PIK3C2A: variants seen among roughly 807,000 people sequenced by gnomAD.
The protein encoded by PIK3C2A is phosphatidylinositol-4-phosphate 3-kinase catalytic subunit type 2 alpha, also known as phosphatidylinositol 4-phosphate 3-kinase C2 domain-containing subunit alpha.
A neutral mutation model predicts 204.5 loss-of-function variants in PIK3C2A; 97 were observed. The ratio of observed to expected loss-of-function variants is 0.47; its 90% CI spans 0.40 to 0.56. The LOEUF (loss-of-function observed/expected upper bound fraction) is 0.56. Ranked by LOEUF, PIK3C2A falls within the 20% of genes least tolerant of loss-of-function variation. The probability of loss-of-function intolerance (pLI) is 0.00; values close to 1 mark genes in which losing one functional copy is unlikely to be tolerated. For synonymous variants in PIK3C2A, 653 were observed against 664.4 expected, an observed-to-expected ratio of 0.98 and a Z score of 0.26; for missense variants, 1,735 against 1,969.2, an observed-to-expected ratio of 0.88 and a Z score of 2.25.
intron 8 of PIK3C2A, among the ~76,000 whole-genome samples, chr11:17,145,390 T>G (rs546604378): frequency 3.9e-5 from 6 of 152,212 alleles, no homozygotes; most frequent in Admixed American, 3.9e-4. Flanking sequence ...TGAGTTTTCA[T>G]GAGATCTGAC....
chr11:17,200,518 T>C lies in PIK3C2A; in HGVS notation c.-66+7330A>G, dbSNP rs143468311. ...TCAAAAGGCTATATACACTGTGTGATGCCAATTTATATGGCATTTTGGGAA... is the reference window on the plus strand; with the variant it reads ...TCAAAAGGCTATATACACTGTGTGACGCCAATTTATATGGCATTTTGGGAA... On this transcript the variant is annotated intron_variant, in intron 1 of 32. Coordinates refer to ENST00000691414, the MANE Select transcript of PIK3C2A (RefSeq NM_002645.4). Among the ~76,000 whole-genome samples the C allele has an allele frequency of 5.8e-3, 885 of 152,286 alleles. 6 individuals are homozygous for C. Among genetic ancestry groups the C allele is most frequent in the African/African-American group, 0.02 (828 of 41,562 alleles).
Position 17,087,193 on chromosome 11 carries a change from C to T in PIK3C2A, c.*2545G>A, listed in dbSNP as rs912883534. 1 of 152,118 alleles carries T rather than the reference C, an allele frequency of 6.6e-6. No individual in the cohort carries two copies. Among genetic ancestry groups the T allele is most frequent in the African/African-American group, 2.4e-5 (1 of 41,438 alleles). The allele number at this position is 152,118 out of a possible 1,614,324, so 9.4% of individuals were successfully genotyped here. On this transcript the variant is annotated 3_prime_UTR_variant, in exon 33 of 33. Transcript: ENST00000691414. The stretch of plus-strand genomic sequence containing the variant: ...GTGAGTATAAAATATTGTGATTATA[C>T]ATAAAAATTAGTGTCTTGGCCAGTT...
At chr11:17,093,471 A>G (rs4757496) in intron 28 of PIK3C2A, among the ~76,000 whole-genome samples, 36,130 of 151,882 alleles carry the variant, frequency 0.24, 5,620 homozygotes, top group Non-Finnish European at 0.35. Context: ...TCACCGTGTT[A>G]GCCAGGATGG....
In PIK3C2A at chr11:17,097,118, C is replaced by A. The variant is rs767587856; in HGVS notation, c.4265G>T (p.Gly1422Val). 1.2e-6 allele frequency: 2 copies of A among 1,609,688 alleles called. No homozygotes were observed. The highest frequency in any genetic ancestry group is 1.7e-5 in the Admixed American group (1 of 60,020). The part of the protein sequence containing the change: ...SPKTYSFRQD[G>V]RIKEVSVFTY... ...AAAAACAGAGACTTCCTTGATTCGA[C>A]CATCTTGTCTAAAGGAGTATGTTTT... The change falls in exon 27 of 33, where the codon GGT (glycine) becomes GTT (valine). Residue 1422 changes from glycine (G) to valine (V), a missense_variant. Coordinates refer to ENST00000691414, the MANE Select transcript of PIK3C2A (RefSeq NM_002645.4).
At chr11:17,122,077 A>G (rs1849384294) in intron 15 of PIK3C2A, 111 bp downstream of exon 15, 1 of 644,238 alleles carries the variant, frequency 1.6e-6, no homozygotes, top group Non-Finnish European at 2.6e-6. Flanking sequence ...AACTTTCCAC[A>G]CCAAGAAAGC....
intron 1 of PIK3C2A, among the ~76,000 whole-genome samples, chr11:17,190,614 C>A (rs1458468119): frequency 6.6e-6 from 1 of 150,822 alleles, no homozygotes; most frequent in African/African-American, 2.4e-5. Flanking sequence ...ATTAAATGAT[C>A]TAGTAGAAAA....
chr11:17,167,923 G>C (rs1049418562), intron 2 of PIK3C2A, among the ~76,000 whole-genome samples: 1 of 151,940 alleles, frequency 6.6e-6, no homozygotes, highest in African/African-American at 2.4e-5. Flanking sequence ...TCTCTCTGGG[G>C]TTATTTATTC....
intron 1 of PIK3C2A, among the ~76,000 whole-genome samples, chr11:17,171,280 C>T (rs915166499): frequency 3.9e-5 from 6 of 152,064 alleles, no homozygotes; most frequent in African/African-American, 7.2e-5. Flanking sequence ...ATAAATGGTA[C>T]GTATTATTAA....
intron 12 of PIK3C2A, among the ~76,000 whole-genome samples, chr11:17,130,567 G>A (rs772941575): frequency 3.9e-5 from 6 of 152,116 alleles, no homozygotes; most frequent in Non-Finnish European, 8.8e-5. Flanking sequence ...CACTTTGGGA[G>A]GCCAAGGTGG....
intron 2 of PIK3C2A, among the ~76,000 whole-genome samples, chr11:17,166,395 C>T (rs1232217415): frequency 6.6e-6 from 1 of 152,188 alleles, no homozygotes; most frequent in Non-Finnish European, 1.5e-5. Flanking sequence ...AAATAACCCA[C>T]CTACCCAGAA....
intron 2 of PIK3C2A, among the ~76,000 whole-genome samples, 169 bp downstream of exon 2, chr11:17,168,492 AAGGGTGTGAACCTGGG>A (rs1489195311): frequency 3.3e-5 from 5 of 152,130 alleles, no homozygotes; most frequent in Admixed American, 6.5e-5. Flanking sequence ...GAGGCAGGAG[AAGGGTGTGAACCTGGG>A]AGGCGGAGCT....
At chr11:17,202,235 G>A (rs1258675913) in intron 1 of PIK3C2A, among the ~76,000 whole-genome samples, 14 of 144,122 alleles carry the variant, frequency 9.7e-5, no homozygotes, top group Admixed American at 1.4e-4. Flanking sequence ...CAGCCTGGGC[G>A]ACAAGAGTGA....
chr11:17,189,647 T>C, intron 1 of PIK3C2A, among the ~76,000 whole-genome samples: 1 of 127,812 alleles, frequency 7.8e-6, no homozygotes, highest in East Asian at 1.9e-4. Flanking sequence ...CAGAATACTT[T>C]CATCGCCCCA....
chr11:17,192,249 A>C (rs1851972230), intron 1 of PIK3C2A, among the ~76,000 whole-genome samples: 1 of 152,188 alleles, frequency 6.6e-6, no homozygotes, highest in Non-Finnish European at 1.5e-5. Context: ...AATATTGCTG[A>C]TACAGTAAAG....
chr11:17,087,429 TAA>T lies in PIK3C2A; in HGVS notation c.*2307_*2308del, dbSNP rs1412884791. 6.6e-6 allele frequency: 1 copy of T among 152,204 alleles called. No individual in the cohort carries two copies. Among genetic ancestry groups the T allele is most frequent in the African/African-American group, 2.4e-5 (1 of 41,460 alleles). 9.4% of individuals were successfully genotyped at this position (152,204 alleles called of 1,614,324 possible). On this transcript the variant is annotated 3_prime_UTR_variant, in exon 33 of 33. Coordinates refer to ENST00000691414, the MANE Select transcript of PIK3C2A (RefSeq NM_002645.4). ...AAAGAAGGCACAAAATGAGTTAAAT[TAA>T]GAGAAAACATTACCACTTGTTCTGA...
intron 1 of PIK3C2A, among the ~76,000 whole-genome samples, chr11:17,201,921 T>C (rs912376957): frequency 6.6e-6 from 1 of 152,164 alleles, no homozygotes; most frequent in Non-Finnish European, 1.5e-5. Context: ...GTTTGTACTA[T>C]GTATCTAAAC....
intron 2 of PIK3C2A, among the ~76,000 whole-genome samples, chr11:17,163,725 G>C (rs564996942): frequency 6.6e-6 from 1 of 152,012 alleles, no homozygotes; most frequent in South Asian, 2.1e-4. Flanking sequence ...TCTACCAGTT[G>C]TTTCTATTAT....
intron 1 of PIK3C2A, among the ~76,000 whole-genome samples, chr11:17,180,528 C>CA (rs11358909): frequency 5.6e-4 from 83 of 147,596 alleles, no homozygotes; most frequent in South Asian, 1.5e-3. Context: ...CAACAAAAAA[C>CA]AAAAAAAAAA....
chr11:17,177,753 T>C (rs531266876), intron 1 of PIK3C2A, among the ~76,000 whole-genome samples: 1 of 152,074 alleles, frequency 6.6e-6, no homozygotes, highest in Admixed American at 6.6e-5. Context: ...AATAAAAGAA[T>C]GTCCAGGTAT....
Sources: allele counts gnomAD v4.1 joint callset (sites outside exome capture counted in the v4.1 genomes callset), GRCh38; gene constraint gnomAD v4.1.1; transcripts MANE v1.5; gene names NCBI Gene and HGNC (gene_info 2026-07-23, HGNC 2026-07-21).